The following CTNNBL1 variants were observed in gnomAD, a reference collection of about 807,000 sequenced individuals.
The protein encoded by CTNNBL1 is beta-catenin-like protein 1.
In CTNNBL1, 31 loss-of-function variants were observed where a neutral mutation model predicts 72.7. That is an observed-to-expected ratio of 0.43 (90% CI 0.32 to 0.58). CTNNBL1 has a LOEUF of 0.58. CTNNBL1 is among the 20% of genes least tolerant of loss of function. CTNNBL1 has a pLI of 0.08. For synonymous variants in CTNNBL1, 240 were observed against 267.3 expected (o/e 0.90, Z 1.00); for missense variants, 534 against 725.1 (o/e 0.74, Z 3.03).
chr20:37,739,976 G>A (rs555874019), intron 3 of CTNNBL1, among the ~76,000 whole-genome samples: 1 of 152,024 alleles, frequency 6.6e-6, no homozygotes, highest in Admixed American at 6.6e-5. Context: ...TCCTTCGCCC[G>A]CTTGGTAGAT....
chr20:37,749,648 A>T (rs1282420636), intron 4 of CTNNBL1, among the ~76,000 whole-genome samples: 1 of 152,096 alleles, frequency 6.6e-6, no homozygotes, highest in African/African-American at 2.4e-5. Context: ...TGCATTTGAA[A>T]TTTTTTAAAT....
At chr20:37,780,005 T>TA (rs757664187) in intron 10 of CTNNBL1, among the ~76,000 whole-genome samples, 4 of 149,810 alleles carry the variant, frequency 2.7e-5, no homozygotes, top group African/African-American at 7.4e-5. Context: ...GGAAGGGGAG[T>TA]AGAGAAGTGT....
At chr20:37,810,196 T>G (rs1257876554) in intron 11 of CTNNBL1, among the ~76,000 whole-genome samples, 1 of 152,174 alleles carries the variant, frequency 6.6e-6, no homozygotes, top group Non-Finnish European at 1.5e-5. Context: ...TTCATTTGGC[T>G]CACAATTCTG....
intron 10 of CTNNBL1, among the ~76,000 whole-genome samples, chr20:37,791,009 A>G (rs1183733528): frequency 6.6e-6 from 1 of 152,228 alleles, no homozygotes; most frequent in Non-Finnish European, 1.5e-5. Flanking sequence ...ATGGAGTCAT[A>G]CAGTGTGTTC....
intron 13 of CTNNBL1, among the ~76,000 whole-genome samples, chr20:37,842,925 C>A (rs562783622): frequency 6.6e-6 from 1 of 152,338 alleles, no homozygotes; most frequent in South Asian, 2.1e-4. Flanking sequence ...CCAAGCCAAA[C>A]CGCAGGTTCT....
intron 11 of CTNNBL1, among the ~76,000 whole-genome samples, chr20:37,821,415 T>C (rs1322007248): frequency 6.6e-6 from 1 of 152,204 alleles, no homozygotes. Context: ...ATCTTTTTAT[T>C]AGGGAAAATT....
chr20:37,831,299 A>G (rs749299387), intron 11 of CTNNBL1, among the ~76,000 whole-genome samples: 25 of 151,882 alleles, frequency 1.6e-4, no homozygotes, highest in Non-Finnish European at 3.4e-4. Flanking sequence ...TGCGCTGAGT[A>G]TTTTCCATGC....
intron 6 of CTNNBL1, among the ~76,000 whole-genome samples, chr20:37,766,295 A>C (rs2073467549): frequency 6.6e-6 from 1 of 152,236 alleles, no homozygotes; most frequent in Non-Finnish European, 1.5e-5. Context: ...GTTAATAAAA[A>C]GTACCAGCCT....
At chr20:37,765,647 G>T (rs370622188) in intron 6 of CTNNBL1, among the ~76,000 whole-genome samples, 2 of 152,112 alleles carry the variant, frequency 1.3e-5, no homozygotes, top group Admixed American at 1.3e-4. Flanking sequence ...CTTTTAAGTC[G>T]TTTTTTCTTA....
intron 4 of CTNNBL1, among the ~76,000 whole-genome samples, chr20:37,748,057 T>C (rs2073283870): frequency 6.6e-6 from 1 of 152,192 alleles, no homozygotes; most frequent in Non-Finnish European, 1.5e-5. Flanking sequence ...TAAACCAAAT[T>C]CTCTTCTAGT....
chr20:37,808,706 G>A (rs1017326036), intron 11 of CTNNBL1, among the ~76,000 whole-genome samples: 8 of 151,912 alleles, frequency 5.3e-5, no homozygotes, highest in African/African-American at 1.9e-4. Flanking sequence ...ATCTACTCCT[G>A]CAGCTTTAAC....
At chr20:37,763,192 T>G (rs544786707) in intron 5 of CTNNBL1, among the ~76,000 whole-genome samples, 1 of 152,338 alleles carries the variant, frequency 6.6e-6, no homozygotes, top group African/African-American at 2.4e-5. Context: ...AAACATACTG[T>G]GACATGGTTC....
At chr20:37,841,929 G>A (rs2072307487) in intron 12 of CTNNBL1, among the ~76,000 whole-genome samples, 1 of 152,180 alleles carries the variant, frequency 6.6e-6, no homozygotes, top group South Asian at 2.1e-4. Context: ...ATCTGAACAT[G>A]AAAGGTTTCA....
chr20:37,717,040 C>T (rs141390535), intron 1 of CTNNBL1, among the ~76,000 whole-genome samples: 3 of 152,110 alleles, frequency 2.0e-5, no homozygotes, highest in Non-Finnish European at 2.9e-5. Flanking sequence ...ACACATGATC[C>T]GGTTCTCACT....
At chr20:37,865,381 G>A (rs951538461) in intron 15 of CTNNBL1, among the ~76,000 whole-genome samples, 2 of 152,210 alleles carry the variant, frequency 1.3e-5, no homozygotes, top group African/African-American at 4.8e-5. Flanking sequence ...AAGCTGTACG[G>A]AAGGCATGGC....
At chr20:37,706,999 T>A (rs1236629921) in intron 1 of CTNNBL1, among the ~76,000 whole-genome samples, 1 of 152,086 alleles carries the variant, frequency 6.6e-6, no homozygotes, top group African/African-American at 2.4e-5. Flanking sequence ...AGTAATATTT[T>A]GGAAGAAATT....
At chr20:37,786,507 A>C (rs914500685) in intron 10 of CTNNBL1, among the ~76,000 whole-genome samples, 20 of 152,228 alleles carry the variant, frequency 1.3e-4, no homozygotes, top group South Asian at 1.2e-3. Context: ...TTTTTAGAGA[A>C]CCAACTCTTG....
intron 10 of CTNNBL1, among the ~76,000 whole-genome samples, chr20:37,801,607 GA>G (rs1297356434): frequency 3.9e-5 from 6 of 152,040 alleles, no homozygotes; most frequent in Non-Finnish European, 7.4e-5. Context: ...GAGAAACTGA[GA>G]TATAGAAAAA....
At chr20:37,694,455 A>G (rs1025080328) in intron 1 of CTNNBL1, among the ~76,000 whole-genome samples, 4 of 151,852 alleles carry the variant, frequency 2.6e-5, no homozygotes, top group Non-Finnish European at 5.9e-5. Flanking sequence ...CTCAGCTCTC[A>G]TGTCCCCCCA....
Sources: allele counts gnomAD v4.1 joint callset (sites outside exome capture counted in the v4.1 genomes callset), GRCh38; gene constraint gnomAD v4.1.1; transcripts MANE v1.5; gene names NCBI Gene and HGNC (gene_info 2026-07-23, HGNC 2026-07-21).